EXOC6B: variants seen among roughly 807,000 people sequenced by gnomAD.
EXOC6B encodes the protein exocyst complex component 6B.
Under a neutral mutation model 113.5 loss-of-function variants are expected in EXOC6B, and 54 were observed. The observed-to-expected ratio is 0.48, with a 90% CI of 0.38 to 0.60. EXOC6B has a LOEUF of 0.60. EXOC6B is among the 20% of genes least tolerant of loss of function. The pLI is 0.00. For missense variants in EXOC6B, 797 were observed against 977.5 expected (o/e 0.82, Z 2.46); for synonymous variants, 357 against 339.0 (o/e 1.05, Z -0.58).
intron 19 of EXOC6B, among the ~76,000 whole-genome samples, chr2:72,352,907 C>T (rs947050990): frequency 2.6e-5 from 4 of 151,938 alleles, no homozygotes; most frequent in African/African-American, 4.8e-5. Flanking sequence ...CCTATAAAAG[C>T]GCTCAATTAA....
rs1466064762 is a variant in EXOC6B, at chr2:72,625,051, T to C, written c.670-49383A>G. Among the ~76,000 whole-genome samples, 8 of 138,454 alleles carry C rather than the reference T, an allele frequency of 5.8e-5. No homozygotes were observed. In the East Asian group the frequency reaches 1.4e-3, roughly 25 times the overall value. 90.8% of individuals were successfully genotyped at this position (138,454 alleles called of 152,430 possible). A position where few individuals can be genotyped will look rare whatever the true frequency, so the allele number is the denominator to read the frequency against. On this transcript the variant is annotated intron_variant, in intron 6 of 21. Transcript: ENST00000272427. ...AAACCTTTATTTATGCAAGAACATA[T>C]AGAAGTTTTTTTTTGGGGGGGGGGT...
chr2:72,802,873 A>G (rs527882891), intron 1 of EXOC6B, among the ~76,000 whole-genome samples: 1 of 152,278 alleles, frequency 6.6e-6, no homozygotes, highest in African/African-American at 2.4e-5. Flanking sequence ...CTCAGGCCCT[A>G]CCCCAGACCT....
At chr2:72,232,409 T>A (rs1220305645) in intron 20 of EXOC6B, among the ~76,000 whole-genome samples, 1 of 152,208 alleles carries the variant, frequency 6.6e-6, no homozygotes, top group East Asian at 1.9e-4. Context: ...TTTGTTAATA[T>A]GCATAAGAGC....
rs576545765 is a variant in EXOC6B at position 72,271,419 on chromosome 2, A to G, written c.2196+63528T>C. 6.6e-5 allele frequency among the ~76,000 whole-genome samples: 10 copies of G among 152,112 alleles called. No homozygotes were observed. In the East Asian group the frequency reaches 1.9e-3, roughly 29 times the overall value. On this transcript the variant is annotated intron_variant, in intron 20 of 21. Transcript: ENST00000272427. ...AGGCCTTGAGAGTCAAAGTCTGTCA[A>G]ATGAGGTGTTTCACAATAGAGAAGG...
At chr2:72,477,020 A>C (rs944151982) in intron 17 of EXOC6B, among the ~76,000 whole-genome samples, 1 of 152,068 alleles carries the variant, frequency 6.6e-6, no homozygotes, top group Non-Finnish European at 1.5e-5. Context: ...CCTCTTGGGA[A>C]TTCTCCTCTG....
intron 8 of EXOC6B, among the ~76,000 whole-genome samples, chr2:72,516,293 G>A (rs980992473): frequency 6.6e-6 from 1 of 152,046 alleles, no homozygotes; most frequent in Non-Finnish European, 1.5e-5. Context: ...CTGTCACCAG[G>A]CTGGAGTGCA....
At chr2:72,382,571 T>C (rs1356854903) in intron 18 of EXOC6B, among the ~76,000 whole-genome samples, 2 of 152,186 alleles carry the variant, frequency 1.3e-5, no homozygotes, top group Non-Finnish European at 2.9e-5. Flanking sequence ...AAGAATGTTA[T>C]AAATAGTTTG....
chr2:72,265,782 C>T (rs1684036704), intron 20 of EXOC6B, among the ~76,000 whole-genome samples: 1 of 152,090 alleles, frequency 6.6e-6, no homozygotes, highest in African/African-American at 2.4e-5. Flanking sequence ...AATGGGATGG[C>T]TGGGTCAAAT....
At chr2:72,641,939 CA>C (rs1431319501) in intron 6 of EXOC6B, among the ~76,000 whole-genome samples, 1 of 152,162 alleles carries the variant, frequency 6.6e-6, no homozygotes. Context: ...GATACCCAGG[CA>C]AAAAGGGTCC....
In EXOC6B at chr2:72,326,629, C is replaced by T. The variant is rs146874045; in HGVS notation, c.2196+8318G>A. ...AGTGATGCTGGCACCACGTCCACATCAAAAGTTACAGTCATTGTTCTACTG... is the reference window on the plus strand; with the variant it reads ...AGTGATGCTGGCACCACGTCCACATTAAAAGTTACAGTCATTGTTCTACTG... On this transcript the variant is annotated intron_variant, in intron 20 of 21. Coordinates refer to ENST00000272427, the MANE Select transcript of EXOC6B (RefSeq NM_015189.3). Among the ~76,000 whole-genome samples the T allele has an allele frequency of 6.3e-4, 96 of 152,074 alleles. 1 individual carries two copies. The highest frequency in any genetic ancestry group is 2.2e-3 in the African/African-American group (90 of 41,508).
intron 19 of EXOC6B, among the ~76,000 whole-genome samples, chr2:72,371,219 T>C (rs541430485): frequency 6.6e-6 from 1 of 152,012 alleles, no homozygotes; most frequent in South Asian, 2.1e-4. Flanking sequence ...AGTCTCCCAG[T>C]AAAGAGAAGC....
rs553403384 is a variant in EXOC6B, at chr2:72,369,567, CA to C, written c.2122+10161del. Among the ~76,000 whole-genome samples, 770 of 152,192 alleles carry C rather than the reference CA, an allele frequency of 5.1e-3. 7 individuals carry two copies. Among genetic ancestry groups the C allele is most frequent in the South Asian group, 0.024 (116 of 4,820 alleles). The stretch of plus-strand genomic sequence containing the variant: ...CCGCATTGCCAAGTCACTCCTAAGC[CA>C]AAAGAACAAAGTTGGAGGCATCATG... On this transcript the variant is annotated intron_variant, in intron 19 of 21. Transcript: ENST00000272427.
At chr2:72,506,252 T>C (rs1190936206) in intron 11 of EXOC6B, among the ~76,000 whole-genome samples, 1 of 152,120 alleles carries the variant, frequency 6.6e-6, no homozygotes. Flanking sequence ...TCTCTGAGTA[T>C]TTATGTAAGA....
chr2:72,287,757 A>G (rs993349295), intron 20 of EXOC6B, among the ~76,000 whole-genome samples: 2 of 152,186 alleles, frequency 1.3e-5, no homozygotes, highest in African/African-American at 4.8e-5. Flanking sequence ...GAATAAACAG[A>G]AGATCTGACT....
intron 5 of EXOC6B, among the ~76,000 whole-genome samples, chr2:72,724,963 C>G (rs1427234824): frequency 6.6e-6 from 1 of 152,028 alleles, no homozygotes; most frequent in African/African-American, 2.4e-5. Context: ...ATTAATATAA[C>G]TAAAGTCCCA....
At chr2:72,187,134 G>C (rs149488806) in intron 20 of EXOC6B, among the ~76,000 whole-genome samples, 13 of 152,206 alleles carry the variant, frequency 8.5e-5, no homozygotes, top group Admixed American at 3.3e-4. Context: ...AATGCAGCTG[G>C]ACCAGGTGCA....
At chr2:72,711,636 TAATA>T (rs1228925550) in intron 6 of EXOC6B, among the ~76,000 whole-genome samples, 1 of 152,062 alleles carries the variant, frequency 6.6e-6, no homozygotes, top group East Asian at 1.9e-4. Context: ...CAATAAATAA[TAATA>T]AATGATAAAA....
rs1681327309 is a variant in EXOC6B, at chr2:72,741,553, G to A, written c.114-84C>T. On this transcript the variant is annotated intron_variant, in intron 1 of 21. Coordinates refer to ENST00000272427, the MANE Select transcript of EXOC6B (RefSeq NM_015189.3). ...AATTATAAATCCAGAAGCAAATTTA[G>A]GGCACATAAGCCACAAAATAATCCA... 7 of 1,231,794 alleles carry A rather than the reference G, an allele frequency of 5.7e-6. No homozygotes were observed. In the Middle Eastern group the frequency reaches 7.2e-4, roughly 126 times the overall value. 76.3% of individuals were successfully genotyped at this position (1,231,794 alleles called of 1,614,324 possible). A position where few individuals can be genotyped will look rare whatever the true frequency, so the allele number is the denominator to read the frequency against.
intron 18 of EXOC6B, among the ~76,000 whole-genome samples, chr2:72,381,987 T>G (rs1168999779): frequency 6.6e-6 from 1 of 152,164 alleles, no homozygotes. Context: ...AGACTATAAA[T>G]TTTCCTCATC....
Sources: allele counts gnomAD v4.1 joint callset (sites outside exome capture counted in the v4.1 genomes callset), GRCh38; gene constraint gnomAD v4.1.1; transcripts MANE v1.5; gene names NCBI Gene and HGNC (gene_info 2026-07-23, HGNC 2026-07-21).